Variants in DYNC2I2 observed in about 807,000 individuals in gnomAD.
DYNC2I2 encodes cytoplasmic dynein 2 intermediate chain 2.
A neutral mutation model predicts 52.0 loss-of-function variants in DYNC2I2; 39 were observed. That is an observed-to-expected ratio of 0.75 (90% CI 0.58 to 0.98). DYNC2I2 has a LOEUF of 0.98. Among genes scored for constraint, DYNC2I2 ranks in the 50% least tolerant of loss-of-function variants. The pLI is 0.00. For synonymous variants in DYNC2I2, 359 were observed against 321.1 expected (o/e 1.12, Z -1.26); for missense variants, 743 against 728.4 (o/e 1.02, Z -0.23).
upstream of DYNC2I2, chr9:128,656,911 G>T: frequency 1.7e-6 from 1 of 595,780 alleles, no homozygotes; most frequent in Non-Finnish European, 2.6e-6. Context: ...AAGCATGACC[G>T]GTTTTGCATA....
the DYNC2I2 span, among the ~76,000 whole-genome samples, chr9:128,671,470 C>CT: frequency 0.035 from 3,792 of 107,722 alleles, 298 homozygotes; most frequent in African/African-American, 0.097. Flanking sequence ...CTGGCTAATT[C>CT]TTTTTTTTTT....
Position 128,635,672 on chromosome 9 carries a change from C to G in DYNC2I2, c.799G>C (p.Asp267His). The stretch of plus-strand genomic sequence containing the variant: ...CCTGCCCTGACCTGGGACACAGGGT[C>G]TGTGTGGGTGTCATCCGTCAGGCCT... ...RTGLTDDTHT[D>H]PVSQVVWLPE... is the part of the protein sequence containing the mutation. The change falls in exon 5 of 9, where the codon GAC becomes CAC. Residue 267 changes from aspartate to histidine, a missense_variant. Physicochemically the swap from Asp to His is moderately conservative, Grantham distance 81 (BLOSUM62 -1). Transcript: ENST00000372715. 6.2e-7 allele frequency: 1 copy of G among 1,608,450 alleles called. No homozygotes were observed. The highest frequency in any genetic ancestry group is 2.2e-5 in the East Asian group (1 of 44,746).
chr9:128,656,143 G>A (rs1166329573), intron 1 of DYNC2I2, among the ~76,000 whole-genome samples: 1 of 149,752 alleles, frequency 6.7e-6, no homozygotes, highest in Non-Finnish European at 1.5e-5. Context: ...ACCGGGGGCT[G>A]AGGCTGCAGT....
rs1405671782 is a variant in DYNC2I2 at position 128,635,225 on chromosome 9, C to T, written c.848G>A (p.Arg283His). Reference protein sequence around the residue: ...VWLPEPGHSHRFQVLSVATDG... With the variant: ...VWLPEPGHSHHFQVLSVATDG... ...GGTGGCCACACTCAGCACCTGGAAG[C>T]GGTGGCTGTGCCCAGGCTCGGGCAG... Residue 283 changes from arginine to histidine, a missense_variant, in exon 6 of 9, where the codon CGC (arginine) becomes CAC (histidine). Coordinates refer to ENST00000372715, the MANE Select transcript of DYNC2I2 (RefSeq NM_052844.4). 1 of 1,612,962 alleles carries T rather than the reference C, an allele frequency of 6.2e-7. No homozygotes were observed. The highest frequency in any genetic ancestry group is 8.5e-7 in the Non-Finnish European group (1 of 1,179,904).
At chr9:128,650,059 T>C (rs1860696798) in intron 1 of DYNC2I2, among the ~76,000 whole-genome samples, 1 of 57,586 alleles carries the variant, frequency 1.7e-5, no homozygotes, top group South Asian at 5.5e-4. Context: ...CTAGTGGTTC[T>C]AGTGGTTCTC....
At chr9:128,677,833 G>A in the DYNC2I2 span, among the ~76,000 whole-genome samples, 2 of 151,806 alleles carry the variant, frequency 1.3e-5, no homozygotes, top group East Asian at 1.9e-4. Context: ...CAAAAAACAC[G>A]GCAGGGTAGA....
chr9:128,636,162 G>C, intron 4 of DYNC2I2, 119 bp downstream of exon 4: 1 of 1,445,034 alleles, frequency 6.9e-7, no homozygotes. Context: ...GACTGAGAGG[G>C]TCAGGGCCCG....
At chr9:128,635,387 A>AC (rs1263227709) in intron 5 of DYNC2I2, 128 bp from the exon 6 acceptor site, 2 of 1,230,636 alleles carry the variant, frequency 1.6e-6, no homozygotes, top group African/African-American at 3.1e-5. Context: ...AACCAGGCTC[A>AC]CCCACCAGGG....
chr9:128,635,283 A>G (rs1860372502), intron 5 of DYNC2I2, 24 bp from the exon 6 acceptor site: 1 of 1,609,818 alleles, frequency 6.2e-7, no homozygotes, highest in African/African-American at 1.3e-5. Flanking sequence ...ATGCAGGGCC[A>G]GGATGGAGAC....
chr9:128,668,641 G>A, the DYNC2I2 span, among the ~76,000 whole-genome samples: 2 of 151,216 alleles, frequency 1.3e-5, no homozygotes, highest in Non-Finnish European at 2.9e-5. Context: ...GCCAACATGG[G>A]GAAATCCCAT....
intron 1 of DYNC2I2, among the ~76,000 whole-genome samples, chr9:128,648,331 A>G (rs1001214911): frequency 1.3e-5 from 2 of 152,238 alleles, no homozygotes; most frequent in Non-Finnish European, 2.9e-5. Flanking sequence ...CACTTAAACC[A>G]GTAAGGTGGA....
chr9:128,671,062 C>T, the DYNC2I2 span, among the ~76,000 whole-genome samples: 5 of 77,558 alleles, frequency 6.4e-5, no homozygotes, highest in African/African-American at 1.5e-4. Flanking sequence ...AGCGAAACTC[C>T]GTCTCAAAAA....
chr9:128,635,012 C>G, intron 6 of DYNC2I2, 80 bp downstream of exon 6: 1 of 1,583,504 alleles, frequency 6.3e-7, no homozygotes, highest in Non-Finnish European at 8.6e-7. Context: ...GAGATCACAG[C>G]AAGTCAGGCC....
At chr9:128,640,202 G>A (rs1860487242) in intron 2 of DYNC2I2, among the ~76,000 whole-genome samples, 1 of 151,616 alleles carries the variant, frequency 6.6e-6, no homozygotes, top group Admixed American at 6.6e-5. Flanking sequence ...AGTAGAGACG[G>A]GGTTTCACCG....
At chr9:128,657,778 G>T (rs1377444275), upstream of DYNC2I2, among the ~76,000 whole-genome samples, 2 of 152,040 alleles carry the variant, frequency 1.3e-5, no homozygotes, top group African/African-American at 4.8e-5. Flanking sequence ...CTACACTACA[G>T]CCTGAGTGAT....
At chr9:128,654,264 G>A (rs1472940175) in intron 1 of DYNC2I2, among the ~76,000 whole-genome samples, 2 of 152,132 alleles carry the variant, frequency 1.3e-5, no homozygotes, top group Non-Finnish European at 2.9e-5. Flanking sequence ...GTCCTCAAGA[G>A]TAAGATTTCA....
chr9:128,674,557 T>C, the DYNC2I2 span, among the ~76,000 whole-genome samples: 9 of 151,336 alleles, frequency 5.9e-5, no homozygotes, highest in Non-Finnish European at 1.2e-4. Flanking sequence ...GCCTGGCCAA[T>C]ATGGTGACAC....
the DYNC2I2 span, among the ~76,000 whole-genome samples, chr9:128,682,982 T>C: frequency 6.7e-6 from 1 of 149,134 alleles, no homozygotes; most frequent in East Asian, 2.0e-4. Flanking sequence ...GGCTGGGACC[T>C]TGTCTTAAAA....
chr9:128,638,491 T>C lies in DYNC2I2; in HGVS notation c.436-1464A>G, dbSNP rs199757151. On this transcript the variant is annotated intron_variant, in intron 2 of 8. Coordinates refer to ENST00000372715, the MANE Select transcript of DYNC2I2 (RefSeq NM_052844.4). ...CAGATCACGCCATTGCACTCCAGCC[T>C]GGCGACAGAGCGAGACTCCATCTCA... Among the ~76,000 whole-genome samples, 55 of 150,790 alleles carry C rather than the reference T, an allele frequency of 3.6e-4. 2 individuals are homozygous for C. In the East Asian group the frequency reaches 0.01, roughly 29 times the overall value.
Sources: gnomAD v4.1 joint callset for allele counts (sites outside exome capture counted in the v4.1 genomes callset) on GRCh38, gnomAD v4.1.1 for gene constraint, MANE v1.5 for transcripts, NCBI Gene and HGNC (gene_info 2026-07-23, HGNC 2026-07-21) for gene names.